The following NKAIN3 variants were observed in gnomAD, a reference collection of about 807,000 sequenced individuals.
The protein encoded by NKAIN3 is sodium/potassium transporting ATPase interacting 3, also known as sodium/potassium-transporting ATPase subunit beta-1-interacting protein 3.
In NKAIN3, 25 loss-of-function variants were observed where a neutral mutation model predicts 30.2. The ratio of observed to expected loss-of-function variants is 0.83; its 90% CI spans 0.60 to 1.16. NKAIN3 has a LOEUF of 1.16. NKAIN3 is among the 50% of genes most tolerant of loss of function. NKAIN3 has a pLI of 0.00. For synonymous variants in NKAIN3, 91 were observed against 89.6 expected (o/e 1.02, Z -0.09); for missense variants, 225 against 254.1 (o/e 0.89, Z 0.78).
chr8:62,785,975 C>A (rs970211799), intron 4 of NKAIN3, among the ~76,000 whole-genome samples: 2 of 152,072 alleles, frequency 1.3e-5, no homozygotes, highest in Non-Finnish European at 2.9e-5. Flanking sequence ...AGGTGTTCTC[C>A]ATGGGGCCGG....
chr8:62,676,916 G>C (rs1159941108), intron 3 of NKAIN3, among the ~76,000 whole-genome samples: 1 of 151,766 alleles, frequency 6.6e-6, no homozygotes, highest in Non-Finnish European at 1.5e-5. Context: ...ACAGAATCTT[G>C]TCATATTGCC....
chr8:62,742,632 C>G (rs1047144111), intron 3 of NKAIN3, among the ~76,000 whole-genome samples: 1 of 152,178 alleles, frequency 6.6e-6, no homozygotes, highest in South Asian at 2.1e-4. Flanking sequence ...TATCAGTTGT[C>G]AACCTTCTCA....
chr8:62,331,840 A>G (rs1815369358), intron 1 of NKAIN3, among the ~76,000 whole-genome samples: 1 of 152,092 alleles, frequency 6.6e-6, no homozygotes, highest in South Asian at 2.1e-4. Context: ...TAATACTTTT[A>G]AAAAGATTAA....
intron 1 of NKAIN3, among the ~76,000 whole-genome samples, chr8:62,414,587 A>G (rs1365958956): frequency 6.6e-6 from 1 of 152,202 alleles, no homozygotes; most frequent in Non-Finnish European, 1.5e-5. Context: ...GATATTTTCT[A>G]TAAATTGGAT....
intron 1 of NKAIN3, among the ~76,000 whole-genome samples, chr8:62,435,024 A>G (rs764377859): frequency 1.3e-4 from 20 of 152,214 alleles, no homozygotes; most frequent in African/African-American, 4.8e-4. Context: ...GGATGGAGGG[A>G]TGGAAGATCA....
chr8:62,411,511 C>T (rs1804236025), intron 1 of NKAIN3, among the ~76,000 whole-genome samples: 1 of 152,156 alleles, frequency 6.6e-6, no homozygotes, highest in South Asian at 2.1e-4. Context: ...AAGATGCCCA[C>T]TCTCACCACT....
intron 1 of NKAIN3, among the ~76,000 whole-genome samples, chr8:62,472,863 A>T (rs1390293406): frequency 1.3e-5 from 2 of 152,220 alleles, no homozygotes; most frequent in Admixed American, 1.3e-4. Flanking sequence ...TTCATGTTCC[A>T]GACACTGATC....
chr8:62,928,588 C>T (rs1056641990), intron 5 of NKAIN3, among the ~76,000 whole-genome samples: 5 of 152,210 alleles, frequency 3.3e-5, no homozygotes, highest in African/African-American at 1.2e-4. Context: ...CCATCTATCC[C>T]AGCCTCCAGG....
At chr8:62,331,378 T>A (rs1815351395) in intron 1 of NKAIN3, among the ~76,000 whole-genome samples, 1 of 152,024 alleles carries the variant, frequency 6.6e-6, no homozygotes, top group African/African-American at 2.4e-5. Flanking sequence ...AGCTCTCACC[T>A]CACTATATTC....
At chr8:62,254,635 T>A (rs1812211208) in intron 1 of NKAIN3, among the ~76,000 whole-genome samples, 1 of 152,192 alleles carries the variant, frequency 6.6e-6, no homozygotes, top group Non-Finnish European at 1.5e-5. Context: ...TTGATTTTTT[T>A]TTCTGAGAGG....
At chr8:62,703,929 T>C (rs1172774521) in intron 3 of NKAIN3, among the ~76,000 whole-genome samples, 1 of 152,184 alleles carries the variant, frequency 6.6e-6, no homozygotes, top group Admixed American at 6.5e-5. Flanking sequence ...CTGAAGCTTG[T>C]AGCATTTGCT....
intron 4 of NKAIN3, among the ~76,000 whole-genome samples, chr8:62,821,911 T>A (rs1356964064): frequency 6.6e-6 from 1 of 152,044 alleles, no homozygotes; most frequent in Non-Finnish European, 1.5e-5. Context: ...AATTTTTATT[T>A]GCCAACAGAG....
chr8:62,253,832 T>C (rs1212281046), intron 1 of NKAIN3, among the ~76,000 whole-genome samples: 1 of 152,204 alleles, frequency 6.6e-6, no homozygotes, highest in East Asian at 1.9e-4. Flanking sequence ...GTCGTAGATA[T>C]TGGACAGCGA....
chr8:62,471,534 GCAAA>G (rs1421845239), intron 1 of NKAIN3, among the ~76,000 whole-genome samples: 3 of 152,180 alleles, frequency 2.0e-5, no homozygotes, highest in East Asian at 3.9e-4. Flanking sequence ...TGCCTTATAT[GCAAA>G]CACTCAGCTG....
At chr8:62,458,968 C>T (rs140389476) in intron 1 of NKAIN3, among the ~76,000 whole-genome samples, 476 of 150,856 alleles carry the variant, frequency 3.2e-3, no homozygotes, top group African/African-American at 0.011. Flanking sequence ...TAGCAGTAAA[C>T]ATTCAAACAT....
At chr8:62,310,053 G>A (rs1390862089) in intron 1 of NKAIN3, among the ~76,000 whole-genome samples, 20 of 150,494 alleles carry the variant, frequency 1.3e-4, no homozygotes, top group Admixed American at 1.3e-3. Flanking sequence ...TGTCATCCTA[G>A]TGACCTAGTA....
chr8:62,857,588 A>G (rs1820101598), intron 4 of NKAIN3, among the ~76,000 whole-genome samples: 1 of 152,142 alleles, frequency 6.6e-6, no homozygotes, highest in Admixed American at 6.5e-5. Context: ...GTCTTATTTC[A>G]GAAAAACAGT....
At chr8:62,412,173 T>C (rs1444133359) in intron 1 of NKAIN3, among the ~76,000 whole-genome samples, 1 of 152,088 alleles carries the variant, frequency 6.6e-6, no homozygotes. Flanking sequence ...AACTATACTA[T>C]AAAGATATAG....
chr8:62,918,330 GT>G (rs961625905), intron 4 of NKAIN3, 122 bp from the exon 5 acceptor site: 44 of 719,930 alleles, frequency 6.1e-5, no homozygotes, highest in Non-Finnish European at 1.0e-4. Flanking sequence ...TTTTAAAAGA[GT>G]TTTTCCACTG....
Sources: allele counts gnomAD v4.1 joint callset (sites outside exome capture counted in the v4.1 genomes callset), GRCh38; gene constraint gnomAD v4.1.1; transcripts MANE v1.5; gene names NCBI Gene and HGNC (gene_info 2026-07-23, HGNC 2026-07-21).